Variants in GON4L observed in about 807,000 individuals in gnomAD.
The protein encoded by GON4L is gon-4 like.
GON4L carries 87 observed loss-of-function variants against 211.8 expected under a neutral mutation model. The observed-to-expected ratio is 0.41, with a 90% CI of 0.35 to 0.49. The LOEUF is 0.49. GON4L is among the 20% of genes least tolerant of loss of function. GON4L has a pLI of 0.15. For missense variants in GON4L, 2,155 were observed against 2,659.5 expected (o/e 0.81, Z 4.17); for synonymous variants, 875 against 962.6 (o/e 0.91, Z 1.68).
chr1:155,842,984 G>A (rs76518242), intron 2 of GON4L, among the ~76,000 whole-genome samples: 8 of 152,236 alleles, frequency 5.3e-5, no homozygotes, highest in East Asian at 3.9e-4. Flanking sequence ...CACCTGTCCC[G>A]GATTAAACAA....
chr1:155,783,247 C>T (rs1370746375), intron 14 of GON4L, among the ~76,000 whole-genome samples: 1 of 152,160 alleles, frequency 6.6e-6, no homozygotes, highest in African/African-American at 2.4e-5. Context: ...ATTGAAAAAT[C>T]TCTAAAGGTC....
chr1:155,850,087 T>C (rs1019973658), intron 2 of GON4L, among the ~76,000 whole-genome samples: 2 of 151,352 alleles, frequency 1.3e-5, no homozygotes, highest in Non-Finnish European at 2.9e-5. Context: ...TAATGAGAAC[T>C]CAAAAAGACT....
At chr1:155,760,409 G>C in intron 24 of GON4L, 35 bp downstream of exon 24, 1 of 1,319,702 alleles carries the variant, frequency 7.6e-7, no homozygotes, top group Non-Finnish European at 1.1e-6. Flanking sequence ...TCTGACCCAG[G>C]AGTCCCAGTG....
chr1:155,818,739 A>T (rs573628625), intron 6 of GON4L, among the ~76,000 whole-genome samples: 6 of 152,310 alleles, frequency 3.9e-5, no homozygotes, highest in African/African-American at 1.4e-4. Context: ...ACAGTGGCTC[A>T]CGCCTGTAAT....
chr1:155,749,030 G>GT (rs1271571752), downstream of GON4L, among the ~76,000 whole-genome samples: 111 of 152,274 alleles, frequency 7.3e-4, no homozygotes, highest in Non-Finnish European at 2.9e-4. Flanking sequence ...GAGGTGGGCA[G>GT]ATCACCTGAG....
intron 10 of GON4L, among the ~76,000 whole-genome samples, chr1:155,812,696 C>G (rs1045321962): frequency 6.6e-6 from 1 of 151,946 alleles, no homozygotes; most frequent in Non-Finnish European, 1.5e-5. Context: ...GCTGGGATTA[C>G]AGGCATGCGC....
At chr1:155,828,271 T>C (rs1571879841) in intron 2 of GON4L, among the ~76,000 whole-genome samples, 1 of 151,902 alleles carries the variant, frequency 6.6e-6, no homozygotes. Flanking sequence ...GGCAGATCAC[T>C]TGAGGTCAGG....
intron 14 of GON4L, among the ~76,000 whole-genome samples, chr1:155,780,018 C>T (rs1373769272): frequency 6.6e-6 from 1 of 151,730 alleles, no homozygotes; most frequent in South Asian, 2.1e-4. Flanking sequence ...AGGCTAGTCT[C>T]GAACCACTGA....
chr1:155,768,870 G>A (rs1399279371), intron 19 of GON4L, among the ~76,000 whole-genome samples: 1 of 152,070 alleles, frequency 6.6e-6, no homozygotes, highest in Non-Finnish European at 1.5e-5. Context: ...TTTCATCCGT[G>A]GTGCTAAGGC....
downstream of GON4L, chr1:155,748,787 A>C (rs866070874): frequency 1.1e-5 from 17 of 1,611,520 alleles, 2 homozygotes; most frequent in Middle Eastern, 1.8e-3. Context: ...ATGCCACACA[A>C]GGTGAGAGCT....
intron 19 of GON4L, among the ~76,000 whole-genome samples, chr1:155,768,247 G>A (rs376395788): frequency 6.6e-6 from 1 of 150,448 alleles, no homozygotes; most frequent in East Asian, 2.0e-4. Flanking sequence ...AGGTTGAGGT[G>A]AGCTGAGATC....
At chr1:155,766,912 G>A (rs576375450) in intron 20 of GON4L, among the ~76,000 whole-genome samples, 19 of 152,156 alleles carry the variant, frequency 1.2e-4, no homozygotes, top group Admixed American at 7.9e-4. Flanking sequence ...TGGGTGTGGT[G>A]GCATGTGCCT....
Position 155,757,071 on chromosome 1 carries a change from C to T in GON4L, c.5404G>A (p.Gly1802Ser). Residue 1802 changes from glycine (G) to serine (S), a missense_variant, in exon 27 of 32, where the codon GGC becomes AGC. Around this residue, in one of 6 missense-constraint regions of GON4L, gnomAD observed 455 missense variants for 504.6 expected, o/e 0.90. Coordinates refer to ENST00000368331, the MANE Select transcript of GON4L (RefSeq NM_001282860.2). ...TCAGGCAGGGCCACTTCTTCAAAGC[C>T]ATCAAACTGAGAAGGAGTTGGTGCT... ...WTEEKEYEFD[G>S]FEEVALPDVE... 3 of 1,613,902 alleles carry T rather than the reference C, an allele frequency of 1.9e-6. No individual in the cohort carries two copies. The highest frequency in any genetic ancestry group is 2.5e-6 in the Non-Finnish European group (3 of 1,179,842).
At position 155,853,600 on chromosome 1, in the gene GON4L, C is replaced by T; in HGVS notation, c.181G>A (p.Val61Ile). The change falls in exon 2 of 32, where the codon GTA (valine) becomes ATA (isoleucine). Residue 61 changes from valine to isoleucine, a missense_variant. Physicochemically the swap from Val to Ile is conservative, Grantham distance 29. Around this residue, in one of 6 missense-constraint regions of GON4L, gnomAD observed 313 missense variants for 293.2 expected, o/e 1.07. Transcript: ENST00000368331. ...PSHGRVAGFEVQSLQDAGNQL... is the reference protein window; with the variant it reads ...PSHGRVAGFEIQSLQDAGNQL... Reference sequence around the variant, plus strand: ...TTTCCTGCATCCTGCAAAGACTGTACTTCGAAGCCAGCTACTCTGCCATGA... The same window carrying T: ...TTTCCTGCATCCTGCAAAGACTGTATTTCGAAGCCAGCTACTCTGCCATGA... 3 of 1,614,168 alleles carry T rather than the reference C, an allele frequency of 1.9e-6. No homozygotes were observed. Among genetic ancestry groups the T allele is most frequent in the Non-Finnish European group, 2.5e-6 (3 of 1,179,998 alleles).
chr1:155,818,673 T>C (rs1397146609), intron 6 of GON4L, among the ~76,000 whole-genome samples: 1 of 152,136 alleles, frequency 6.6e-6, no homozygotes, highest in Non-Finnish European at 1.5e-5. Flanking sequence ...AGTCAAACCA[T>C]ATCTGGTTCA....
chr1:155,762,442 T>G, intron 22 of GON4L, 68 bp from the exon 23 acceptor site: 1 of 1,296,242 alleles, frequency 7.7e-7, no homozygotes. Flanking sequence ...TTCCACCACA[T>G]GCACCACCCC....
At chr1:155,754,244 T>A in intron 28 of GON4L, 131 bp downstream of exon 28, 1 of 739,332 alleles carries the variant, frequency 1.4e-6, no homozygotes, top group Non-Finnish European at 2.5e-6. Context: ...ATTTTGCATA[T>A]GTACACATAT....
chr1:155,798,676 C>T (rs762575299), intron 11 of GON4L, among the ~76,000 whole-genome samples: 6 of 150,602 alleles, frequency 4.0e-5, no homozygotes, highest in Non-Finnish European at 8.8e-5. Context: ...GCCTCAGCCT[C>T]CCAAAGCGCA....
intron 19 of GON4L, 131 bp downstream of exon 19, chr1:155,770,936 T>C: frequency 7.8e-7 from 1 of 1,287,490 alleles, no homozygotes. Context: ...AATAGGGGAA[T>C]TAATCTAGTG....
Sources: gnomAD v4.1 joint callset for allele counts (sites outside exome capture counted in the v4.1 genomes callset) on GRCh38, gnomAD v4.1.1 for gene constraint, gnomAD v4.1.1 regional missense constraint, MANE v1.5 for transcripts, NCBI Gene and HGNC (gene_info 2026-07-23, HGNC 2026-07-21) for gene names.